Variants in ZNF75A observed in about 807,000 individuals in gnomAD.
The protein encoded by ZNF75A is zinc finger protein 75A.
Under a neutral mutation model 46.3 loss-of-function variants are expected in ZNF75A, and 36 were observed. That is an observed-to-expected ratio of 0.78 (90% CI 0.60 to 1.03). The LOEUF (loss-of-function observed/expected upper bound fraction) is 1.03, where lower values mean the gene tolerates loss of function less well. Ranked by LOEUF, ZNF75A falls within the 50% of genes least tolerant of loss-of-function variation. The pLI is 0.00. For missense variants in ZNF75A, 595 were observed against 551.3 expected, an observed-to-expected ratio of 1.08 and a Z score of -0.79; for synonymous variants, 234 against 189.9, an observed-to-expected ratio of 1.23 and a Z score of -1.91.
At chr16:3,323,190 T>C (rs2030008907), downstream of ZNF75A, 1 of 689,986 alleles carries the variant, frequency 1.4e-6, no homozygotes, top group East Asian at 2.7e-5. Context: ...CTGGGTCTAG[T>C]TCAGCTGGCA....
rs771438728 is a variant in ZNF75A at position 3,317,520 on chromosome 16, G to T, written c.1265G>T (p.Arg422Ile). The T allele has an allele frequency of 6.2e-7, 1 of 1,613,952 alleles. No homozygotes were observed. Among genetic ancestry groups the T allele is most frequent in the Non-Finnish European group, 8.5e-7 (1 of 1,179,968 alleles). ...RVSSDLIKHQ[R>I]IHTEEKPYKC... ...AGCTCTGACCTTATTAAGCACCAAAGAATTCACACTGAAGAGAAACCCTAT... is the reference window on the plus strand; with the variant it reads ...AGCTCTGACCTTATTAAGCACCAAATAATTCACACTGAAGAGAAACCCTAT... Residue 422 changes from arginine (R) to isoleucine (I), a missense_variant, in exon 7 of 7, where the codon AGA (arginine) becomes ATA (isoleucine). Coordinates refer to ENST00000669516, the MANE Select transcript of ZNF75A (RefSeq NM_001302109.2).
In ZNF75A at chr16:3,316,900, T is replaced by C; in HGVS notation, c.824-12T>C. 6.3e-7 allele frequency: 1 copy of C among 1,596,638 alleles called. No homozygotes were observed. The highest frequency in any genetic ancestry group is 1.1e-5 in the South Asian group (1 of 89,448). ...GTTACCAGTCCTTGACCTCATTTTG[T>C]CCATTTGACAGCATTGTTTGTGCTC... On this transcript the variant is annotated splice_polypyrimidine_tract_variant and intron_variant, in intron 5 of 6. Transcript: ENST00000669516.
intron 5 of ZNF75A, chr16:3,314,898 T>A: frequency 1.0e-6 from 1 of 985,420 alleles, no homozygotes; most frequent in South Asian, 4.7e-5. Context: ...TCTTTTTGTG[T>A]AGAAGTTGAG....
intron 5 of ZNF75A, 132 bp from the exon 6 acceptor site, chr16:3,316,780 G>A (rs139830361): frequency 8.0e-6 from 5 of 624,100 alleles, no homozygotes; most frequent in Non-Finnish European, 1.4e-5. Flanking sequence ...ACTTAATCTT[G>A]GAGTCTATCC....
chr16:3,323,082 C>A, downstream of ZNF75A: 1 of 502,430 alleles, frequency 2.0e-6, no homozygotes, highest in Non-Finnish European at 3.1e-6. Context: ...GAAGATAAAG[C>A]AGGAAATAGT....
rs897042946 is a variant in ZNF75A, at chr16:3,318,821, G to C, written c.*952G>C. The stretch of plus-strand genomic sequence containing the variant: ...CCTGGACATGTAGTCAGCAGGAGAC[G>C]GTTCCCTAAATAAAAGATTTGGGCA... On this transcript the variant is annotated 3_prime_UTR_variant, in exon 7 of 7. Coordinates refer to ENST00000669516, the MANE Select transcript of ZNF75A (RefSeq NM_001302109.2). The C allele has an allele frequency of 3.0e-6, 3 of 985,470 alleles. No individual in the cohort carries two copies. Among genetic ancestry groups the C allele is most frequent in the Middle Eastern group, 5.2e-4 (1 of 1,914 alleles). 61.0% of individuals were successfully genotyped at this position (985,470 alleles called of 1,614,324 possible). A position where few individuals can be genotyped will look rare whatever the true frequency, so the allele number is the denominator to read the frequency against.
At chr16:3,320,517 C>T (rs1479134033), downstream of ZNF75A, among the ~76,000 whole-genome samples, 2 of 152,196 alleles carry the variant, frequency 1.3e-5, no homozygotes, top group Non-Finnish European at 2.9e-5. Context: ...CACTTAAGAC[C>T]TCCCAAGACT....
At chr16:3,312,396 A>G (rs1279264126) in intron 3 of ZNF75A, 4 of 152,230 alleles carry the variant, frequency 2.6e-5, no homozygotes, top group Non-Finnish European at 5.9e-5. Context: ...TCATTTTAAG[A>G]TATCTTTAAT....
At chr16:3,323,103 A>G (rs2030005593), downstream of ZNF75A, 2 of 539,324 alleles carry the variant, frequency 3.7e-6, no homozygotes, top group Admixed American at 3.5e-5. Flanking sequence ...CTTTGAAGAT[A>G]CTTGATAAAA....
intron 1 of ZNF75A, 112 bp downstream of exon 1, chr16:3,305,755 G>C (rs1374066053): frequency 6.6e-6 from 1 of 152,382 alleles, no homozygotes; most frequent in Non-Finnish European, 1.5e-5. Context: ...CTTCCGGGCC[G>C]CGCGGCTGGA....
intron 2 of ZNF75A, chr16:3,310,632 A>AAAAC (rs201144412): frequency 1.2e-5 from 12 of 980,952 alleles, no homozygotes; most frequent in Non-Finnish European, 1.4e-5. Flanking sequence ...GTCTCAAAAC[A>AAAAC]AAACAAACAA....
At chr16:3,315,108 C>G in intron 5 of ZNF75A, 3 of 984,944 alleles carry the variant, frequency 3.0e-6, no homozygotes, top group Non-Finnish European at 3.6e-6. Flanking sequence ...TTTCCCCAAA[C>G]CTTCTCCATC....
chr16:3,318,535 A>T lies in ZNF75A; in HGVS notation c.*666A>T. On this transcript the variant is annotated 3_prime_UTR_variant, in exon 7 of 7. Transcript: ENST00000669516. Reference sequence around the variant, plus strand: ...TTTGTAGCCATGGAATATATATTAGATGTAAAGAATTTTCTGCAATAAAAG... The same window carrying T: ...TTTGTAGCCATGGAATATATATTAGTTGTAAAGAATTTTCTGCAATAAAAG... 9 of 985,424 alleles carry T rather than the reference A, an allele frequency of 9.1e-6. No homozygotes were observed. Among genetic ancestry groups the T allele is most frequent in the Non-Finnish European group, 1.1e-5 (9 of 829,902 alleles). The allele number at this position is 985,424 out of a possible 1,614,324, so 61.0% of individuals were successfully genotyped here.
intron 2 of ZNF75A, chr16:3,309,569 A>C (rs1293830716): frequency 1.3e-5 from 2 of 152,256 alleles, no homozygotes; most frequent in African/African-American, 4.8e-5. Context: ...CAGCCTGGGC[A>C]ACATGGTGAA....
downstream of ZNF75A, among the ~76,000 whole-genome samples, chr16:3,321,757 C>A (rs113472950): frequency 0.013 from 1,964 of 152,284 alleles, 49 homozygotes; most frequent in African/African-American, 0.045. Flanking sequence ...GCATGAGCCA[C>A]CATGCCCAAC....
intron 2 of ZNF75A, among the ~76,000 whole-genome samples, chr16:3,309,870 G>A (rs1389058032): frequency 6.6e-6 from 1 of 151,856 alleles, no homozygotes; most frequent in Non-Finnish European, 1.5e-5. Flanking sequence ...ACTTTAGGGG[G>A]TCGCGGTGGG....
intron 5 of ZNF75A, chr16:3,314,596 T>A: frequency 1.1e-6 from 1 of 892,294 alleles, no homozygotes. Context: ...CTCCTTTTCT[T>A]CTGCCTTCGC....
Position 3,318,385 on chromosome 16 carries a change from A to G in ZNF75A, c.*516A>G, listed in dbSNP as rs559551503. 1.0e-6 allele frequency: 1 copy of G among 987,294 alleles called. No individual in the cohort carries two copies. Among genetic ancestry groups the G allele is most frequent in the Admixed American group, 6.0e-5 (1 of 16,558 alleles). The allele number at this position is 987,294 out of a possible 1,614,324, so 61.2% of individuals were successfully genotyped here. On this transcript the variant is annotated 3_prime_UTR_variant, in exon 7 of 7. Coordinates refer to ENST00000669516, the MANE Select transcript of ZNF75A (RefSeq NM_001302109.2). Reference sequence around the variant, plus strand: ...TATCACAGTTTTTTACTGTGATGAAATCTTGTTAACCACCACTAGGGAATC... The same window carrying G: ...TATCACAGTTTTTTACTGTGATGAAGTCTTGTTAACCACCACTAGGGAATC...
intron 5 of ZNF75A, among the ~76,000 whole-genome samples, 172 bp downstream of exon 5, chr16:3,313,347 T>G: frequency 6.6e-6 from 1 of 152,216 alleles, no homozygotes; most frequent in East Asian, 1.9e-4. Context: ...TTTTTCCAAA[T>G]GTACATGCCG....
Sources: gnomAD v4.1 joint callset for allele counts (sites outside exome capture counted in the v4.1 genomes callset) on GRCh38, gnomAD v4.1.1 for gene constraint, MANE v1.5 for transcripts, NCBI Gene and HGNC (gene_info 2026-07-23, HGNC 2026-07-21) for gene names.